Variants in TRIM11 observed in about 807,000 individuals in gnomAD.
TRIM11 encodes the protein tripartite motif containing 11, also known as E3 ubiquitin-protein ligase TRIM11.
In TRIM11, 15 loss-of-function variants were observed where a neutral mutation model predicts 33.4. That is an observed-to-expected ratio of 0.45 (90% CI 0.30 to 0.69). TRIM11 has a LOEUF of 0.69. Ranked by LOEUF, TRIM11 falls within the 30% of genes least tolerant of loss-of-function variation. TRIM11 has a pLI of 0.08. For synonymous variants in TRIM11, 281 were observed against 302.6 expected, an observed-to-expected ratio of 0.93 and a Z score of 0.74; for missense variants, 499 against 667.6, an observed-to-expected ratio of 0.75 and a Z score of 2.78.
chr1:228,405,888 C>T (rs1656391933), intron 1 of TRIM11: 2 of 401,016 alleles, frequency 5.0e-6, no homozygotes, highest in Non-Finnish European at 8.8e-6. Context: ...ATGAGAGGTA[C>T]GCCCCTCACC....
At chr1:228,398,504 A>C (rs974828896) in intron 3 of TRIM11, among the ~76,000 whole-genome samples, 7 of 152,122 alleles carry the variant, frequency 4.6e-5, no homozygotes, top group African/African-American at 1.7e-4. Flanking sequence ...CTACAGTCCC[A>C]CCTACTCAGG....
intron 3 of TRIM11, among the ~76,000 whole-genome samples, chr1:228,398,513 G>A (rs913916830): frequency 6.6e-6 from 1 of 152,148 alleles, no homozygotes; most frequent in Non-Finnish European, 1.5e-5. Flanking sequence ...CACCTACTCA[G>A]GGGACTGAGA....
chr1:228,394,685 C>G lies in TRIM11; in HGVS notation c.*20G>C, dbSNP rs1042384424. 2.6e-5 allele frequency: 41 copies of G among 1,566,720 alleles called. No homozygotes were observed. Among genetic ancestry groups the G allele is most frequent in the Non-Finnish European group, 3.5e-5 (40 of 1,153,438 alleles). ...TGGAGGGGCAGGAGAGGCAACAGGA[C>G]TCCTCCAGGAGGGCCCGAGTCACTG... is the stretch of plus-strand genomic sequence containing the variant. On this transcript the variant is annotated 3_prime_UTR_variant, in exon 6 of 6. Coordinates refer to ENST00000284551, the MANE Select transcript of TRIM11 (RefSeq NM_145214.3). This position sits in a 1 kb window ranked among gnomAD's most constrained non-coding sequence, Gnocchi z 6.2.
At position 228,397,885 on chromosome 1, in the gene TRIM11, G is replaced by C. The variant is rs12567951; in HGVS notation, c.736-720C>G. Among the ~76,000 whole-genome samples, 23 of 152,312 alleles carry C rather than the reference G, an allele frequency of 1.5e-4. No homozygotes were observed. The East Asian group carries it at 4.1e-3, about 27-fold the overall frequency. ...ACTAGGACACAGACACCCACAGAGG[G>C]GAGACCCTGTGAGGATACAGGGAAG... On this transcript the variant is annotated intron_variant, in intron 3 of 5. Coordinates refer to ENST00000284551, the MANE Select transcript of TRIM11 (RefSeq NM_145214.3).
Position 228,406,598 on chromosome 1 carries a change from GGGGCGGCGGC to G in TRIM11, c.-47_-38del. 1 of 1,404,720 alleles carries G rather than the reference GGGGCGGCGGC, an allele frequency of 7.1e-7. No homozygotes were observed. The highest frequency in any genetic ancestry group is 9.3e-7 in the Non-Finnish European group (1 of 1,079,744). The allele number at this position is 1,404,720 out of a possible 1,614,324, so 87.0% of individuals were successfully genotyped here. On this transcript the variant is annotated 5_prime_UTR_variant, in exon 1 of 6. Coordinates refer to ENST00000284551, the MANE Select transcript of TRIM11 (RefSeq NM_145214.3). This position sits in a 1 kb window ranked among gnomAD's most constrained non-coding sequence, Gnocchi z 8.2. ...AGGGGAGGAAGGCGGTACTGTCCGCGGGGCGGCGGCGGGCGGCCTCGGCAGCTCGCGGGGA... is the reference window on the plus strand; with the variant it reads ...AGGGGAGGAAGGCGGTACTGTCCGCGGGGCGGCCTCGGCAGCTCGCGGGGA...
chr1:228,399,373 G>C (rs1035325804), intron 3 of TRIM11, among the ~76,000 whole-genome samples: 9 of 152,330 alleles, frequency 5.9e-5, no homozygotes, highest in Non-Finnish European at 7.4e-5. Context: ...GCCAAACCTG[G>C]GCAGGGAGCT....
chr1:228,406,123 G>C lies in TRIM11; in HGVS notation c.408+31C>G. On this transcript the variant is annotated intron_variant, in intron 1 of 5. Coordinates refer to ENST00000284551, the MANE Select transcript of TRIM11 (RefSeq NM_145214.3). The surrounding 1 kb of genome is among the most constrained non-coding windows in gnomAD (Gnocchi z 8.2). ...CCTCCCCAGTCCCCGGCTCCCCGAC[G>C]CCCCTGCACGCCACCCCCGCCCAGG... The C allele has an allele frequency of 8.3e-7, 1 of 1,200,290 alleles. No individual in the cohort carries two copies. Among genetic ancestry groups the C allele is most frequent in the Non-Finnish European group, 1.1e-6 (1 of 945,360 alleles). The allele number at this position is 1,200,290 out of a possible 1,614,324, so 74.4% of individuals were successfully genotyped here. A position where few individuals can be genotyped will look rare whatever the true frequency, so the allele number is the denominator to read the frequency against.
At position 228,395,062 on chromosome 1, in the gene TRIM11, G is replaced by T. The variant is rs1057113458; in HGVS notation, c.1050C>A (p.Asp350Glu). Reference sequence around the variant, plus strand: ...ACACCCCCAGGGCCCAGCTGGTGCGGTCCCCAACCTCCACCTCCCAGTAGT... The same window carrying T: ...ACACCCCCAGGGCCCAGCTGGTGCGTTCCCCAACCTCCACCTCCCAGTAGT... ...GRHYWEVEVG[D>E]RTSWALGVCR... Residue 350 changes from aspartate to glutamate, a missense_variant, in exon 6 of 6, where the codon GAC becomes GAA. Physicochemically the swap from Asp to Glu is conservative, Grantham distance 45. Transcript: ENST00000284551. This position sits in a 1 kb window ranked among gnomAD's most constrained non-coding sequence, Gnocchi z 4.8. The T allele has an allele frequency of 6.2e-7, 1 of 1,611,236 alleles. No individual in the cohort carries two copies. Among genetic ancestry groups the T allele is most frequent in the Non-Finnish European group, 8.5e-7 (1 of 1,178,558 alleles).
rs1412048855 is a variant in TRIM11, at chr1:228,401,564, A to T, written c.505-370T>A. On this transcript the variant is annotated intron_variant, in intron 2 of 5. Transcript: ENST00000284551. The surrounding 1 kb of genome is among the most constrained non-coding windows in gnomAD (Gnocchi z 6.1). ...ACCCATTGGCTTGGTAGAACCCTGC[A>T]TCTACCACCTGGGGCCAGCTGGACT... Among the ~76,000 whole-genome samples, 1 of 152,074 alleles carries T rather than the reference A, an allele frequency of 6.6e-6. No homozygotes were observed. The highest frequency in any genetic ancestry group is 1.9e-4 in the East Asian group (1 of 5,172).
At chr1:228,400,000 C>G (rs1025644453) in intron 3 of TRIM11, among the ~76,000 whole-genome samples, 1 of 152,190 alleles carries the variant, frequency 6.6e-6, no homozygotes. Flanking sequence ...CTCCAGAGGC[C>G]GGCAGCAGGT....
intron 3 of TRIM11, chr1:228,397,424 C>T (rs1260630233): frequency 1.9e-6 from 1 of 526,488 alleles, no homozygotes; most frequent in South Asian, 3.0e-5. Context: ...CCCACTTCTG[C>T]CTGACACTTG....
intron 3 of TRIM11, chr1:228,397,616 T>C (rs1173931406): frequency 1.1e-5 from 2 of 175,396 alleles, no homozygotes; most frequent in Admixed American, 1.1e-4. Flanking sequence ...GCAGGCTCCC[T>C]GCTCAGCCCC....
Position 228,401,321 on chromosome 1 carries a change from A to T in TRIM11, c.505-127T>A. On this transcript the variant is annotated intron_variant, in intron 2 of 5. Transcript: ENST00000284551. This position sits in a 1 kb window ranked among gnomAD's most constrained non-coding sequence, Gnocchi z 6.1. ...CAACCCCACCCCCGGGGCCTGCTAA[A>T]GCCAAAGCACAGCACCAGGTGTGGC... 8.3e-7 allele frequency: 1 copy of T among 1,205,736 alleles called. No individual in the cohort carries two copies. The highest frequency in any genetic ancestry group is 1.1e-6 in the Non-Finnish European group (1 of 874,344). 74.7% of individuals were successfully genotyped at this position (1,205,736 alleles called of 1,614,324 possible).
In TRIM11 at chr1:228,401,968, G is replaced by C. The variant is rs1348254960; in HGVS notation, c.504+98C>G. 1.0e-6 allele frequency: 1 copy of C among 958,628 alleles called. No individual in the cohort carries two copies. The highest frequency in any genetic ancestry group is 1.9e-5 in the South Asian group (1 of 53,926). The allele number at this position is 958,628 out of a possible 1,614,324, so 59.4% of individuals were successfully genotyped here. On this transcript the variant is annotated intron_variant, in intron 2 of 5. Coordinates refer to ENST00000284551, the MANE Select transcript of TRIM11 (RefSeq NM_145214.3). The surrounding 1 kb of genome is among the most constrained non-coding windows in gnomAD (Gnocchi z 6.1). ...CAGTGACTGGTCCTGGGGCGCCAAG[G>C]GCAAGTGTGCCTGGCCAGCATCGCC...
chr1:228,397,055 G>A lies in TRIM11; in HGVS notation c.759-8C>T. On this transcript the variant is annotated splice_polypyrimidine_tract_variant and splice_region_variant and intron_variant, in intron 4 of 5. Transcript: ENST00000284551. ...AGCTTCACATCCTGGACCCTAGAGG[G>A]GACAACCCAGGTGTTGTCGCCATGG... 6.2e-7 allele frequency: 1 copy of A among 1,613,636 alleles called. No homozygotes were observed. The highest frequency in any genetic ancestry group is 2.2e-5 in the East Asian group (1 of 44,844).
Position 228,394,766 on chromosome 1 carries a change from G to A in TRIM11, c.1346C>T (p.Pro449Leu), listed in dbSNP as rs776961505. ...CGGCCGGCAGATAGTCATCGGGGTC[G>A]GGCTGCTGGACAGGGGTGAGAAGAG... ...RPLFSPLSSS[P>L]TPMTICRPKG... is the part of the protein sequence containing the mutation. Residue 449 changes from proline (P) to leucine (L), a missense_variant, in exon 6 of 6, where the codon CCG (proline) becomes CTG (leucine). Transcript: ENST00000284551. This position sits in a 1 kb window ranked among gnomAD's most constrained non-coding sequence, Gnocchi z 6.2. The A allele has an allele frequency of 1.9e-5, 31 of 1,613,622 alleles. No individual in the cohort carries two copies. The highest frequency in any genetic ancestry group is 2.2e-5 in the South Asian group (2 of 91,026).
intron 5 of TRIM11, 97 bp downstream of exon 5, chr1:228,396,850 C>T (rs754971264): frequency 5.6e-5 from 63 of 1,115,542 alleles, no homozygotes; most frequent in Non-Finnish European, 8.5e-5. Context: ...GAGTTTGGAG[C>T]TGGCAGTGGC....
chr1:228,400,287 C>T lies in TRIM11; in HGVS notation c.735+677G>A, dbSNP rs527237644. Among the ~76,000 whole-genome samples the T allele has an allele frequency of 6.6e-6, 1 of 152,386 alleles. No homozygotes were observed. The highest frequency in any genetic ancestry group is 1.9e-4 in the East Asian group (1 of 5,190). The stretch of plus-strand genomic sequence containing the variant: ...GACACTCCCAGCCCACACGGGGCCT[C>T]TCAGCATGGGAGTGCCGTCAGTCCT... On this transcript the variant is annotated intron_variant, in intron 3 of 5. Coordinates refer to ENST00000284551, the MANE Select transcript of TRIM11 (RefSeq NM_145214.3). The surrounding 1 kb of genome is among the most constrained non-coding windows in gnomAD (Gnocchi z 4.5).
At chr1:228,396,790 G>C in intron 5 of TRIM11, 157 bp downstream of exon 5, 2 of 743,834 alleles carry the variant, frequency 2.7e-6, no homozygotes, top group Non-Finnish European at 4.9e-6. Context: ...ACTGATGTCA[G>C]AAGTATGAGC....
Sources: allele counts gnomAD v4.1 joint callset (sites outside exome capture counted in the v4.1 genomes callset), GRCh38; gene constraint gnomAD v4.1.1; non-coding constraint Gnocchi (gnomAD v3.1); transcripts MANE v1.5; gene names NCBI Gene and HGNC (gene_info 2026-07-23, HGNC 2026-07-21).